Variants in NAALADL2 observed in about 807,000 individuals in gnomAD.
NAALADL2 encodes N-acetylated alpha-linked acidic dipeptidase like 2.
A neutral mutation model predicts 87.2 loss-of-function variants in NAALADL2; 76 were observed. The ratio of observed to expected loss-of-function variants is 0.87; its 90% confidence interval spans 0.72 to 1.05. NAALADL2 has a LOEUF of 1.05. Among genes scored for constraint, NAALADL2 ranks in the 50% least tolerant of loss-of-function variants. The probability of loss-of-function intolerance (pLI) is 0.00; values close to 1 mark genes in which losing one functional copy is unlikely to be tolerated. For missense variants in NAALADL2, 1,089 were observed against 945.8 expected (o/e 1.15, Z -1.99); for synonymous variants, 354 against 331.0 (o/e 1.07, Z -0.75).
At chr3:175,544,588 A>G (rs1385155168) in intron 9 of NAALADL2, among the ~76,000 whole-genome samples, 1 of 152,152 alleles carries the variant, frequency 6.6e-6, no homozygotes, top group African/African-American at 2.4e-5. Flanking sequence ...TCTTCCCATA[A>G]AAGCCTCCTG....
intron 3 of NAALADL2, among the ~76,000 whole-genome samples, chr3:174,754,855 C>G (rs1711807379): frequency 6.6e-6 from 1 of 152,104 alleles, no homozygotes; most frequent in African/African-American, 2.4e-5. Context: ...TCACTTAGTC[C>G]TTGCTACCAT....
At chr3:175,625,466 T>C (rs1726852552) in intron 10 of NAALADL2, among the ~76,000 whole-genome samples, 2 of 152,034 alleles carry the variant, frequency 1.3e-5, no homozygotes, top group South Asian at 2.1e-4. Context: ...ACTTTTTAGA[T>C]TTAATTTTAT....
intron 2 of NAALADL2, among the ~76,000 whole-genome samples, chr3:174,734,864 CATT>C (rs1337532153): frequency 5.9e-5 from 9 of 152,180 alleles, no homozygotes; most frequent in African/African-American, 1.4e-4. Flanking sequence ...ATTTATGACA[CATT>C]ATTATTTCTT....
intron 13 of NAALADL2, among the ~76,000 whole-genome samples, chr3:175,781,789 C>T (rs1438733572): frequency 6.6e-6 from 1 of 151,506 alleles, no homozygotes; most frequent in African/African-American, 2.4e-5. Flanking sequence ...TATACATGTG[C>T]CATGCTGGTG....
At chr3:175,643,087 G>A (rs1343500533) in intron 11 of NAALADL2, among the ~76,000 whole-genome samples, 2 of 152,290 alleles carry the variant, frequency 1.3e-5, no homozygotes, top group East Asian at 1.9e-4. Context: ...AAAAGAATAA[G>A]CATTAAATAT....
At chr3:174,666,968 T>C (rs114249468) in intron 2 of NAALADL2, among the ~76,000 whole-genome samples, 2,053 of 152,300 alleles carry the variant, frequency 0.013, 49 homozygotes, top group African/African-American at 0.047. Context: ...TCATCTAACA[T>C]AGTGTCCTCA....
chr3:174,471,424 T>A (rs946459306), intron 1 of NAALADL2, among the ~76,000 whole-genome samples: 1 of 152,128 alleles, frequency 6.6e-6, no homozygotes, highest in Non-Finnish European at 1.5e-5. Flanking sequence ...CGCATGGTAC[T>A]AGAAACAGTT....
intron 11 of NAALADL2, chr3:175,718,328 T>C: frequency 1.2e-6 from 2 of 1,600,898 alleles, no homozygotes; most frequent in East Asian, 4.5e-5. Context: ...TGATGCTATA[T>C]GAATTCTGCC....
intron 9 of NAALADL2, among the ~76,000 whole-genome samples, chr3:175,529,326 G>A (rs958666274): frequency 6.6e-6 from 1 of 152,142 alleles, no homozygotes; most frequent in Non-Finnish European, 1.5e-5. Flanking sequence ...GAATCCTTGT[G>A]TTTTCTGGTG....
chr3:175,567,628 A>G (rs189638990), intron 9 of NAALADL2, among the ~76,000 whole-genome samples: 2 of 152,136 alleles, frequency 1.3e-5, no homozygotes, highest in Non-Finnish European at 2.9e-5. Context: ...GTTAACATCC[A>G]GTAAGTAGGT....
At chr3:175,203,600 G>A (rs1047906664) in intron 2 of NAALADL2, among the ~76,000 whole-genome samples, 3 of 130,962 alleles carry the variant, frequency 2.3e-5, no homozygotes, top group South Asian at 4.9e-4. Flanking sequence ...AATTCACAGC[G>A]CAAGTCTCCT....
intron 12 of NAALADL2, among the ~76,000 whole-genome samples, chr3:175,750,226 T>C (rs1372303404): frequency 6.6e-6 from 1 of 152,148 alleles, no homozygotes; most frequent in Non-Finnish European, 1.5e-5. Context: ...CATTGCCTCA[T>C]GAACTGTCTT....
rs1023261724 is a variant in NAALADL2, at chr3:174,981,590, A to G, written c.44-115200A>G. ...AATAATGTAATAAATAATGTTCTCT[A>G]CATATATCAAATGTAAATATACTAT... On this transcript the variant is annotated intron_variant, in intron 1 of 13. Coordinates refer to ENST00000454872, the MANE Select transcript of NAALADL2 (RefSeq NM_207015.3). 2.0e-5 allele frequency among the ~76,000 whole-genome samples: 3 copies of G among 152,332 alleles called. No individual in the cohort carries two copies. In the South Asian group the frequency reaches 6.2e-4, roughly 32 times the overall value.
In NAALADL2 at chr3:175,140,464, A is replaced by G. The variant is rs146720450; in HGVS notation, c.545+43173A>G. 2.2e-4 allele frequency among the ~76,000 whole-genome samples: 34 copies of G among 152,292 alleles called. No individual in the cohort carries two copies. The South Asian group carries it at 6.4e-3, about 29-fold the overall frequency. On this transcript the variant is annotated intron_variant, in intron 2 of 13. Coordinates refer to ENST00000454872, the MANE Select transcript of NAALADL2 (RefSeq NM_207015.3). ...AAGACAGTGTGCAATAGATGCACAT[A>G]AAAGGGACACATAACACCACCTTGA...
At chr3:175,290,540 A>G (rs1755524497) in intron 4 of NAALADL2, among the ~76,000 whole-genome samples, 2 of 152,174 alleles carry the variant, frequency 1.3e-5, no homozygotes, top group Non-Finnish European at 2.9e-5. Context: ...TTACATGGGC[A>G]TATATATGTT....
At chr3:174,646,518 C>T (rs1723796310) in intron 2 of NAALADL2, among the ~76,000 whole-genome samples, 1 of 151,790 alleles carries the variant, frequency 6.6e-6, no homozygotes, top group Non-Finnish European at 1.5e-5. Flanking sequence ...ATTTAGCCAT[C>T]CAAGGTAGAA....
At chr3:175,229,504 A>G (rs1744639058) in intron 2 of NAALADL2, among the ~76,000 whole-genome samples, 1 of 152,060 alleles carries the variant, frequency 6.6e-6, no homozygotes, top group Non-Finnish European at 1.5e-5. Context: ...GATAATTAGT[A>G]AACAACAGAC....
At chr3:175,696,995 A>T (rs1737880701) in intron 11 of NAALADL2, among the ~76,000 whole-genome samples, 1 of 152,094 alleles carries the variant, frequency 6.6e-6, no homozygotes, top group Admixed American at 6.6e-5. Flanking sequence ...ACTACTCAAA[A>T]GCCCTACCTA....
rs34002597 is a variant in NAALADL2, at chr3:175,698,483, T to TTATATA, written c.1897-38808_1897-38803dup. On this transcript the variant is annotated intron_variant, in intron 11 of 13. Transcript: ENST00000454872. Reference sequence around the variant, plus strand: ...TGTGTATATATGTGTGTATATATATTTATATATATATATATATATAAAATC... The same window carrying TTATATA: ...TGTGTATATATGTGTGTATATATATTTATATATATATATATATATATATATAAAATC... Among the ~76,000 whole-genome samples the TTATATA allele has an allele frequency of 3.8e-4, 26 of 67,740 alleles. 2 individuals carry two copies. The highest frequency in any genetic ancestry group is 1.6e-3 in the African/African-American group (18 of 11,058). The allele number at this position is 67,740 out of a possible 152,430, so 44.4% of individuals were successfully genotyped here.
Sources: allele counts gnomAD v4.1 joint callset (sites outside exome capture counted in the v4.1 genomes callset), GRCh38; gene constraint gnomAD v4.1.1; transcripts MANE v1.5; gene names NCBI Gene and HGNC (gene_info 2026-07-23, HGNC 2026-07-21).